Variants in SLC30A8 observed in about 807,000 individuals in gnomAD.
SLC30A8 encodes the protein solute carrier family 30 member 8.
Under a neutral mutation model 36.9 loss-of-function variants are expected in SLC30A8, and 27 were observed. The ratio of observed to expected loss-of-function variants is 0.73; its 90% CI spans 0.54 to 1.01. The LOEUF is 1.01. Among genes scored for constraint, SLC30A8 ranks in the 50% least tolerant of loss-of-function variants. SLC30A8 has a pLI of 0.00. For missense variants in SLC30A8, 439 were observed against 452.0 expected (o/e 0.97, Z 0.26); for synonymous variants, 164 against 172.4 (o/e 0.95, Z 0.38).
At chr8:117,156,744 C>T (rs573452785) in intron 3 of SLC30A8, among the ~76,000 whole-genome samples, 9 of 152,214 alleles carry the variant, frequency 5.9e-5, no homozygotes, top group East Asian at 5.8e-4. Context: ...GAAAAAATAT[C>T]GAGTGGTTAA....
chr8:117,005,820 C>T (rs151147885), intron 1 of SLC30A8, among the ~76,000 whole-genome samples: 102 of 152,294 alleles, frequency 6.7e-4, no homozygotes, highest in African/African-American at 2.1e-3. Flanking sequence ...AACCTAATTT[C>T]GTCAACTTCA....
At chr8:117,144,351 T>TA (rs1348691306) in intron 1 of SLC30A8, among the ~76,000 whole-genome samples, 1 of 152,174 alleles carries the variant, frequency 6.6e-6, no homozygotes, top group Non-Finnish European at 1.5e-5. Context: ...ACATAACTGA[T>TA]AAAAAACCAA....
intron 1 of SLC30A8, among the ~76,000 whole-genome samples, chr8:117,027,559 G>A (rs149995495): frequency 5.5e-4 from 83 of 152,204 alleles, no homozygotes; most frequent in African/African-American, 1.9e-3. Context: ...GACTCCCACA[G>A]TGCTAAGCTC....
chr8:117,012,682 G>C (rs1816381638), intron 1 of SLC30A8, among the ~76,000 whole-genome samples: 1 of 146,346 alleles, frequency 6.8e-6, no homozygotes, highest in Admixed American at 6.7e-5. Context: ...GTGTGTGTGT[G>C]CATGTGTGTG....
chr8:117,159,688 T>C (rs1343629707), intron 4 of SLC30A8, among the ~76,000 whole-genome samples: 8 of 152,232 alleles, frequency 5.3e-5, no homozygotes, highest in African/African-American at 1.2e-4. Flanking sequence ...CACATATTGC[T>C]GACTACGGGT....
intron 1 of SLC30A8, among the ~76,000 whole-genome samples, chr8:116,972,135 TTTC>T (rs1244564431): frequency 1.3e-5 from 2 of 152,228 alleles, no homozygotes; most frequent in Admixed American, 6.5e-5. Context: ...AAATTTTTAT[TTTC>T]TTCTTCTTCC....
chr8:117,014,840 G>A (rs1295134558), intron 1 of SLC30A8, among the ~76,000 whole-genome samples: 1 of 152,040 alleles, frequency 6.6e-6, no homozygotes, highest in Non-Finnish European at 1.5e-5. Context: ...TGTGGGAGAG[G>A]GATGGATTTG....
At chr8:117,168,821 G>C (rs924793294) in intron 6 of SLC30A8, among the ~76,000 whole-genome samples, 3 of 152,108 alleles carry the variant, frequency 2.0e-5, no homozygotes, top group African/African-American at 7.2e-5. Flanking sequence ...TTTATACTCA[G>C]AGCACAGACA....
At chr8:117,134,613 C>G (rs767741441), upstream of SLC30A8, among the ~76,000 whole-genome samples, 5 of 151,938 alleles carry the variant, frequency 3.3e-5, no homozygotes, top group Admixed American at 6.6e-5. Flanking sequence ...AAGAACAAAG[C>G]TCACTCTGGT....
intron 1 of SLC30A8, among the ~76,000 whole-genome samples, chr8:116,976,146 C>A (rs1436739121): frequency 6.6e-6 from 1 of 151,840 alleles, no homozygotes; most frequent in Non-Finnish European, 1.5e-5. Flanking sequence ...TGGTGAAATC[C>A]CATCTCTACT....
chr8:117,151,149 C>T (rs577794920), intron 2 of SLC30A8, among the ~76,000 whole-genome samples: 57 of 152,240 alleles, frequency 3.7e-4, no homozygotes, highest in Admixed American at 1.0e-3. Context: ...TTTATCTCTT[C>T]CTGAAAACCC....
chr8:116,977,140 G>GTAGACACACTGTTACTACTTTACCA (rs1815062351), intron 1 of SLC30A8, among the ~76,000 whole-genome samples: 1 of 41,076 alleles, frequency 2.4e-5, no homozygotes, highest in Non-Finnish European at 4.5e-5. Context: ...TCTTTTTCTT[G>GTAGACACACTGTTACTACTTTACCA]CTTTTTTTTT....
intron 2 of SLC30A8, among the ~76,000 whole-genome samples, chr8:117,101,361 G>A (rs1004573494): frequency 6.6e-6 from 1 of 152,076 alleles, no homozygotes; most frequent in Non-Finnish European, 1.5e-5. Context: ...GTGTCTCAGT[G>A]TACATAAGCA....
chr8:117,165,853 T>C (rs1013657322), intron 6 of SLC30A8, among the ~76,000 whole-genome samples: 3 of 152,190 alleles, frequency 2.0e-5, no homozygotes, highest in Admixed American at 2.0e-4. Context: ...CTGGAGGACA[T>C]TATGCTAAGT....
intron 2 of SLC30A8, among the ~76,000 whole-genome samples, chr8:117,108,187 C>G (rs1286456284): frequency 6.6e-6 from 1 of 152,108 alleles, no homozygotes; most frequent in Non-Finnish European, 1.5e-5. Flanking sequence ...CAGACTCTTC[C>G]TAACAATATT....
intron 2 of SLC30A8, among the ~76,000 whole-genome samples, chr8:117,051,411 T>C (rs1817702835): frequency 6.6e-6 from 1 of 152,206 alleles, no homozygotes; most frequent in Non-Finnish European, 1.5e-5. Flanking sequence ...CGGGGCCTCA[T>C]GGGAGATGCT....
At chr8:117,037,513 C>G (rs1321419177) in intron 1 of SLC30A8, among the ~76,000 whole-genome samples, 3 of 152,080 alleles carry the variant, frequency 2.0e-5, no homozygotes, top group Non-Finnish European at 2.9e-5. Flanking sequence ...GCCCCCCTCA[C>G]CCACCGCTTA....
At chr8:116,997,523 T>C (rs1349669583) in intron 1 of SLC30A8, among the ~76,000 whole-genome samples, 1 of 152,164 alleles carries the variant, frequency 6.6e-6, no homozygotes, top group Admixed American at 6.5e-5. Flanking sequence ...AGTAGCTTGC[T>C]TTTGGGATGT....
At chr8:117,054,098 C>CTTTTTTTTTTTTTTTT (rs4060800) in intron 2 of SLC30A8, among the ~76,000 whole-genome samples, 2 of 124,170 alleles carry the variant, frequency 1.6e-5, no homozygotes, top group African/African-American at 6.2e-5. Context: ...CTGCAAAAAT[C>CTTTTTTTTTTTTTTTT]TTTTTTTTTT....
Sources: gnomAD v4.1 joint callset for allele counts (sites outside exome capture counted in the v4.1 genomes callset) on GRCh38, gnomAD v4.1.1 for gene constraint, MANE v1.5 for transcripts, NCBI Gene and HGNC (gene_info 2026-07-23, HGNC 2026-07-21) for gene names.